ALCAM: variants seen among roughly 807,000 people sequenced by gnomAD.
ALCAM encodes CD166 antigen.
In ALCAM, 30 loss-of-function variants were observed where a neutral mutation model predicts 70.9. The observed-to-expected ratio is 0.42, with a 90% confidence interval of 0.32 to 0.57. The LOEUF is 0.57. Among genes scored for constraint, ALCAM ranks in the 20% least tolerant of loss-of-function variants. The probability of loss-of-function intolerance (pLI) is 0.11; values close to 1 mark genes in which losing one functional copy is unlikely to be tolerated. For synonymous variants in ALCAM, 249 were observed against 242.5 expected (o/e 1.03, Z -0.25); for missense variants, 591 against 695.1 (o/e 0.85, Z 1.68).
intron 1 of ALCAM, among the ~76,000 whole-genome samples, chr3:105,380,756 C>G (rs1935498467): frequency 6.6e-6 from 1 of 151,722 alleles, no homozygotes; most frequent in Admixed American, 6.6e-5. Context: ...GTCCAATTCT[C>G]TGGTATATTT....
chr3:105,370,941 T>A (rs931019311), intron 1 of ALCAM, among the ~76,000 whole-genome samples: 8 of 152,204 alleles, frequency 5.3e-5, no homozygotes, highest in Non-Finnish European at 1.0e-4. Context: ...AAGCCTCATA[T>A]TGTACATCCT....
At chr3:105,401,138 A>G (rs1306632135) in intron 1 of ALCAM, among the ~76,000 whole-genome samples, 5 of 152,252 alleles carry the variant, frequency 3.3e-5, no homozygotes, top group Admixed American at 2.0e-4. Flanking sequence ...TGCTACAGGC[A>G]TTGATCGTTT....
chr3:105,425,760 A>AT (rs11456682), intron 1 of ALCAM, among the ~76,000 whole-genome samples: 95,974 of 146,524 alleles, frequency 0.66, 31,420 homozygotes, highest in East Asian at 0.85. Flanking sequence ...CATATTTTTA[A>AT]TTTTTTTTTT....
In ALCAM at chr3:105,575,100, C is replaced by T. The variant is rs1174885628; in HGVS notation, c.*649C>T. On this transcript the variant is annotated 3_prime_UTR_variant, in exon 16 of 16. Transcript: ENST00000306107. ...AACTCTCAGAAATAAATCACAGATG[C>T]ATATAGACACACATACATAATGGTA... 6.6e-6 allele frequency: 1 copy of T among 152,560 alleles called. No individual in the cohort carries two copies. Among genetic ancestry groups the T allele is most frequent in the Non-Finnish European group, 1.5e-5 (1 of 68,024 alleles). 9.5% of individuals were successfully genotyped at this position (152,560 alleles called of 1,614,324 possible).
At chr3:105,512,499 T>C (rs1030142620) in intron 1 of ALCAM, among the ~76,000 whole-genome samples, 1 of 151,930 alleles carries the variant, frequency 6.6e-6, no homozygotes, top group African/African-American at 2.4e-5. Flanking sequence ...TCTGAAATAG[T>C]TAAACTTAGA....
chr3:105,526,888 G>A (rs1459943343), intron 3 of ALCAM, among the ~76,000 whole-genome samples: 3 of 152,124 alleles, frequency 2.0e-5, no homozygotes, highest in Non-Finnish European at 4.4e-5. Context: ...AACGTGCACC[G>A]TGTACCATAG....
At chr3:105,450,888 A>G (rs1241207149) in intron 1 of ALCAM, among the ~76,000 whole-genome samples, 1 of 151,950 alleles carries the variant, frequency 6.6e-6, no homozygotes, top group Non-Finnish European at 1.5e-5. Flanking sequence ...ATATTTGGAG[A>G]AAAAAAATAC....
intron 1 of ALCAM, among the ~76,000 whole-genome samples, chr3:105,450,512 C>A (rs143877892): frequency 7.4e-4 from 113 of 152,206 alleles, no homozygotes; most frequent in Admixed American, 2.2e-3. Context: ...AAATAACTTC[C>A]AAAGCAAAAT....
chr3:105,471,771 C>T (rs189524990), intron 1 of ALCAM, among the ~76,000 whole-genome samples: 58 of 151,242 alleles, frequency 3.8e-4, no homozygotes, highest in Middle Eastern at 3.4e-3. Flanking sequence ...AAATGTGTTA[C>T]CTCACATAGT....
chr3:105,410,463 A>C (rs1474944775), intron 1 of ALCAM, among the ~76,000 whole-genome samples: 1 of 152,038 alleles, frequency 6.6e-6, no homozygotes, highest in East Asian at 1.9e-4. Flanking sequence ...GTCTTTATGT[A>C]GTACCACTCT....
At chr3:105,538,537 G>A (rs954835005) in intron 6 of ALCAM, among the ~76,000 whole-genome samples, 1 of 152,104 alleles carries the variant, frequency 6.6e-6, no homozygotes, top group African/African-American at 2.4e-5. Context: ...ATTGAAAAGG[G>A]AACACAGAGA....
At chr3:105,561,963 A>C (rs540030762) in intron 14 of ALCAM, among the ~76,000 whole-genome samples, 1 of 152,324 alleles carries the variant, frequency 6.6e-6, no homozygotes, top group African/African-American at 2.4e-5. Flanking sequence ...TTCACTAGGC[A>C]TTATGACATA....
At chr3:105,374,788 G>T (rs1935336736) in intron 1 of ALCAM, among the ~76,000 whole-genome samples, 1 of 152,148 alleles carries the variant, frequency 6.6e-6, no homozygotes, top group South Asian at 2.1e-4. Flanking sequence ...AAAGTGCTGG[G>T]ATTACAGGCA....
chr3:105,386,012 T>G (rs1411573470), intron 1 of ALCAM, among the ~76,000 whole-genome samples: 1 of 151,446 alleles, frequency 6.6e-6, no homozygotes. Context: ...CCCTCATGGG[T>G]GAATGGAGCA....
intron 1 of ALCAM, among the ~76,000 whole-genome samples, chr3:105,390,275 T>C (rs1004591891): frequency 6.6e-6 from 1 of 152,110 alleles, no homozygotes; most frequent in Non-Finnish European, 1.5e-5. Flanking sequence ...CTTGATTTTT[T>C]AATAATCGCC....
intron 1 of ALCAM, among the ~76,000 whole-genome samples, chr3:105,515,307 G>T (rs1204732939): frequency 3.3e-5 from 5 of 151,974 alleles, no homozygotes; most frequent in Admixed American, 6.6e-5. Flanking sequence ...CTGAAGTCAG[G>T]AATTAATCCC....
chr3:105,385,112 ATG>A (rs1367208944), intron 1 of ALCAM, among the ~76,000 whole-genome samples: 1 of 151,632 alleles, frequency 6.6e-6, no homozygotes, highest in African/African-American at 2.4e-5. Context: ...CACGTTCTTG[ATG>A]TTGTCACCCA....
At chr3:105,475,460 A>G (rs1186628553) in intron 1 of ALCAM, among the ~76,000 whole-genome samples, 1 of 152,100 alleles carries the variant, frequency 6.6e-6, no homozygotes, top group Non-Finnish European at 1.5e-5. Context: ...TACTTGCTTG[A>G]AACTAATTTG....
intron 14 of ALCAM, among the ~76,000 whole-genome samples, chr3:105,562,992 G>C (rs185332387): frequency 6.6e-6 from 1 of 152,036 alleles, no homozygotes; most frequent in Non-Finnish European, 1.5e-5. Context: ...TTTTAGTAGA[G>C]ACGGGGTTTC....
Sources: allele counts gnomAD v4.1 joint callset (sites outside exome capture counted in the v4.1 genomes callset), GRCh38; gene constraint gnomAD v4.1.1; transcripts MANE v1.5; gene names NCBI Gene and HGNC (gene_info 2026-07-23, HGNC 2026-07-21).